Variants in CCDC187 observed in about 807,000 individuals in gnomAD.
CCDC187 encodes coiled-coil domain containing 187.
A neutral mutation model predicts 38.0 loss-of-function variants in CCDC187; 32 were observed. The observed-to-expected ratio is 0.84, with a 90% confidence interval of 0.64 to 1.13. The LOEUF (loss-of-function observed/expected upper bound fraction) is 1.13, where lower values mean the gene tolerates loss of function less well. Among genes scored for constraint, CCDC187 ranks in the 50% most tolerant of loss-of-function variants. The probability of loss-of-function intolerance (pLI) is 0.00; values close to 1 mark genes in which losing one functional copy is unlikely to be tolerated. For missense variants in CCDC187, 707 were observed against 786.8 expected (o/e 0.90, Z 1.21); for synonymous variants, 333 against 347.9 (o/e 0.96, Z 0.48).
chr9:136,285,440 T>TGGGCAGGC (rs1831154123), intron 9 of CCDC187, 73 bp downstream of exon 9: 8 of 31,498 alleles, frequency 2.5e-4, no homozygotes, highest in Middle Eastern at 4.8e-3. Context: ...GGTGGGCAGG[T>TGGGCAGGC]GGGCAGGTGG....
intron 17 of CCDC187, among the ~76,000 whole-genome samples, chr9:136,265,178 G>A (rs1269228788): frequency 6.6e-6 from 1 of 152,206 alleles, no homozygotes; most frequent in Non-Finnish European, 1.5e-5. Context: ...CCTGGGCAGG[G>A]GCCGGCAAGG....
At chr9:136,275,793 GGA>G (rs1830921164) in intron 12 of CCDC187, among the ~76,000 whole-genome samples, 1 of 152,178 alleles carries the variant, frequency 6.6e-6, no homozygotes, top group Non-Finnish European at 1.5e-5. Flanking sequence ...AGGTGGCTCA[GGA>G]GACACTAAGC....
At position 136,261,003 on chromosome 9, in the gene CCDC187, G is replaced by A. The variant is rs868971367; in HGVS notation, c.4065-739C>T. Among the ~76,000 whole-genome samples the A allele has an allele frequency of 2.6e-5, 4 of 152,172 alleles. No homozygotes were observed. The South Asian group carries it at 6.2e-4, about 24-fold the overall frequency. On this transcript the variant is annotated intron_variant, in intron 19 of 25. Transcript: ENST00000638797. The stretch of plus-strand genomic sequence containing the variant: ...ACCAAGGCACTGTGCTCTTAGAGCC[G>A]CCCCAGAAACAGAACAGGCTGAATA...
rs1332480319 is a variant in CCDC187, at chr9:136,254,253, T to C, written c.5575A>G (p.Thr1859Ala). The C allele has an allele frequency of 1.0e-6, 1 of 985,204 alleles. No individual in the cohort carries two copies. Among genetic ancestry groups the C allele is most frequent in the Non-Finnish European group, 1.2e-6 (1 of 829,926 alleles). The allele number at this position is 985,204 out of a possible 1,614,324, so 61.0% of individuals were successfully genotyped here. A position where few individuals can be genotyped will look rare whatever the true frequency, so the allele number is the denominator to read the frequency against. ...TSESLMGVSDTGEALQAPPEA... is the reference protein window; with the variant it reads ...TSESLMGVSDAGEALQAPPEA... ...GGGGGTGCCTGGAGGGCTTCTCCTG[T>C]GTCTGACACCCCCATCAGGCTCTCG... Residue 1859 changes from threonine (T) to alanine (A), a missense_variant, in exon 26 of 26, where the codon ACA (threonine) becomes GCA (alanine). By Grantham distance (58) the Thr-to-Ala change is moderately conservative (BLOSUM62 0). Transcript: ENST00000638797.
rs1554760568 is a variant in CCDC187, at chr9:136,258,308, C to G, written c.4366+624G>C. Among the ~76,000 whole-genome samples, 1 of 152,154 alleles carries G rather than the reference C, an allele frequency of 6.6e-6. No individual in the cohort carries two copies. ...CCTGGCCCCAACGGCAGGGACCCCCCAGTCTATGCCACCCCCCTTGGGTGG... is the reference window on the plus strand; with the variant it reads ...CCTGGCCCCAACGGCAGGGACCCCCGAGTCTATGCCACCCCCCTTGGGTGG... On this transcript the variant is annotated intron_variant, in intron 22 of 25. Coordinates refer to ENST00000638797, the MANE Select transcript of CCDC187 (RefSeq NM_001378188.1). The surrounding 1 kb of genome is among the most constrained non-coding windows in gnomAD (Gnocchi z 4.3).
intron 14 of CCDC187, among the ~76,000 whole-genome samples, chr9:136,268,899 G>A (rs1406559818): frequency 6.6e-6 from 1 of 152,196 alleles, no homozygotes; most frequent in Non-Finnish European, 1.5e-5. Context: ...GCTATGGTGA[G>A]GGAGGGGAAG....
chr9:136,261,097 G>A (rs1047729463), intron 19 of CCDC187, among the ~76,000 whole-genome samples: 5 of 151,798 alleles, frequency 3.3e-5, no homozygotes, highest in Admixed American at 6.5e-5. Flanking sequence ...CTCGGCACGC[G>A]GCGTCTCAGG....
intron 9 of CCDC187, among the ~76,000 whole-genome samples, chr9:136,282,312 C>G (rs1337385881): frequency 6.6e-6 from 1 of 152,190 alleles, no homozygotes; most frequent in Non-Finnish European, 1.5e-5. Flanking sequence ...GGCCAGCACG[C>G]AAGGCTGACA....
At chr9:136,293,190 TGCTCACACACTCACAAA>T (rs2131318264) in intron 4 of CCDC187, among the ~76,000 whole-genome samples, 1 of 103,200 alleles carries the variant, frequency 9.7e-6, no homozygotes, top group East Asian at 4.0e-4. Context: ...CACACTCACA[TGCTCACACACTCACAAA>T]CACATGCTCA....
chr9:136,284,541 G>A (rs2131268899), intron 9 of CCDC187, among the ~76,000 whole-genome samples: 1 of 152,294 alleles, frequency 6.6e-6, no homozygotes, highest in South Asian at 2.1e-4. Flanking sequence ...AAGGACAGAG[G>A]GGTGAGAGTG....
intron 14 of CCDC187, among the ~76,000 whole-genome samples, chr9:136,268,815 C>T (rs1830792272): frequency 3.9e-5 from 6 of 152,136 alleles, no homozygotes; most frequent in Admixed American, 2.0e-4. Flanking sequence ...GCACAGTGAT[C>T]CCTGAGAGAC....
Position 136,286,449 on chromosome 9 carries a change from C to T in CCDC187, c.2469G>A (p.Gln823=). The change falls in exon 8 of 26, where the codon CAG becomes CAA. Residue 823 remains glutamine, a synonymous_variant. Coordinates refer to ENST00000638797, the MANE Select transcript of CCDC187 (RefSeq NM_001378188.1). ...TGGCTGTGGTCTCTAGCGCCTGCAG[C>T]TGCGCCTGCTTATGCCGGAGGTGCA... The part of the protein sequence containing the change: ...SSLHLRHKQA[Q]LQALETTAKV... 2.5e-6 allele frequency: 1 copy of T among 398,750 alleles called. No homozygotes were observed. Among genetic ancestry groups the T allele is most frequent in the Non-Finnish European group, 4.4e-6 (1 of 226,128 alleles). 24.7% of individuals were successfully genotyped at this position (398,750 alleles called of 1,614,324 possible). A position where few individuals can be genotyped will look rare whatever the true frequency, so the allele number is the denominator to read the frequency against.
intron 6 of CCDC187, 25 bp from the exon 7 acceptor site, chr9:136,290,078 G>A (rs1300558771): frequency 2.5e-6 from 1 of 398,672 alleles, no homozygotes; most frequent in Non-Finnish European, 4.4e-6. Flanking sequence ...AATGCCATCA[G>A]AGCCCCCCGC....
intron 19 of CCDC187, among the ~76,000 whole-genome samples, chr9:136,260,756 C>T (rs1366771622): frequency 6.6e-6 from 1 of 152,214 alleles, no homozygotes; most frequent in African/African-American, 2.4e-5. Flanking sequence ...CATTTCCCCC[C>T]GGATTCACAG....
Position 136,262,398 on chromosome 9 carries a change from GC to G in CCDC187, c.3976del (p.Ala1326ProfsTer6). The G allele has an allele frequency of 1.0e-6, 1 of 986,356 alleles. No homozygotes were observed. Among genetic ancestry groups the G allele is most frequent in the Non-Finnish European group, 1.2e-6 (1 of 830,630 alleles). 61.1% of individuals were successfully genotyped at this position (986,356 alleles called of 1,614,324 possible). ...GCATGGGGTCAGGGGACACAGGGAG[GC>G]CTCTGGCTGCTGGCTTGTCTCTGAG... is the stretch of plus-strand genomic sequence containing the variant. ...GGSETSQQPE[A>X]SLCPLTPCRP... On this transcript the variant is annotated frameshift_variant, in exon 19 of 26. Coordinates refer to ENST00000638797, the MANE Select transcript of CCDC187 (RefSeq NM_001378188.1). LOFTEE classifies it high-confidence loss of function.
Position 136,293,457 on chromosome 9 carries a change from A to ACACACG in CCDC187, c.833-1163_833-1162insCGTGTG, listed in dbSNP as rs1189603972. Among the ~76,000 whole-genome samples the ACACACG allele has an allele frequency of 7.8e-5, 3 of 38,636 alleles. No homozygotes were observed. In the East Asian group the frequency reaches 3.5e-3, roughly 46 times the overall value. The allele number at this position is 38,636 out of a possible 152,430, so 25.3% of individuals were successfully genotyped here. A position where few individuals can be genotyped will look rare whatever the true frequency, so the allele number is the denominator to read the frequency against. ...TGCTCACACACTCACACATGCTCAC[A>ACACACG]CTCACACTCACATGCTCACACACTC... On this transcript the variant is annotated intron_variant, in intron 4 of 25. Transcript: ENST00000638797.
chr9:136,304,408 C>T (rs1831765940), upstream of CCDC187, among the ~76,000 whole-genome samples: 1 of 152,186 alleles, frequency 6.6e-6, no homozygotes, highest in East Asian at 1.9e-4. Context: ...CCAACAGAAA[C>T]ACATCAGCCA....
intron 2 of CCDC187, 82 bp from the exon 3 acceptor site, chr9:136,300,400 C>T: frequency 2.5e-6 from 1 of 395,898 alleles, no homozygotes; most frequent in Non-Finnish European, 4.5e-6. Flanking sequence ...AGTTTGGCAG[C>T]AGCTCAAGAG....
At position 136,258,375 on chromosome 9, in the gene CCDC187, C is replaced by T. The variant is rs551195996; in HGVS notation, c.4366+557G>A. Among the ~76,000 whole-genome samples, 2 of 152,254 alleles carry T rather than the reference C, an allele frequency of 1.3e-5. No individual in the cohort carries two copies. The highest frequency in any genetic ancestry group is 3.9e-4 in the East Asian group (2 of 5,176). ...CCGAGGATGGACACTGGGTGGGGGC[C>T]TTCTGAATTCGGCACCCAGGGCTGG... On this transcript the variant is annotated intron_variant, in intron 22 of 25. Coordinates refer to ENST00000638797, the MANE Select transcript of CCDC187 (RefSeq NM_001378188.1). The surrounding 1 kb of genome is among the most constrained non-coding windows in gnomAD (Gnocchi z 4.3).
Sources: gnomAD v4.1 joint callset for allele counts (sites outside exome capture counted in the v4.1 genomes callset) on GRCh38, gnomAD v4.1.1 for gene constraint, Gnocchi (gnomAD v3.1) non-coding constraint, MANE v1.5 for transcripts, NCBI Gene and HGNC (gene_info 2026-07-23, HGNC 2026-07-21) for gene names.